Variants in RUNX1 observed in about 807,000 individuals in gnomAD.
RUNX1 encodes the protein runt-related transcription factor 1.
RUNX1 carries 19 observed loss-of-function variants against 42.8 expected under a neutral mutation model. The ratio of observed to expected loss-of-function variants is 0.44; its 90% CI spans 0.31 to 0.65. The LOEUF (loss-of-function observed/expected upper bound fraction) is 0.65, where lower values mean the gene tolerates loss of function less well. Among genes scored for constraint, RUNX1 ranks in the 30% least tolerant of loss-of-function variants. The pLI, the probability that RUNX1 is intolerant of heterozygous loss-of-function variation, is 0.07. For missense variants in RUNX1, 528 were observed against 672.0 expected (o/e 0.79, Z 2.37); for synonymous variants, 271 against 289.4 (o/e 0.94, Z 0.64).
intron 2 of RUNX1, among the ~76,000 whole-genome samples, chr21:34,982,203 T>A (rs554715608): frequency 6.6e-6 from 1 of 152,338 alleles, no homozygotes; most frequent in South Asian, 2.1e-4. Flanking sequence ...CCATCTTTCT[T>A]ACCAAGGATT....
At chr21:34,973,366 A>G (rs796840168) in intron 2 of RUNX1, among the ~76,000 whole-genome samples, 5 of 152,334 alleles carry the variant, frequency 3.3e-5, no homozygotes, top group African/African-American at 1.2e-4. Flanking sequence ...AAATCCCTGC[A>G]ACGTACTGGC....
intron 6 of RUNX1, among the ~76,000 whole-genome samples, chr21:34,839,367 G>A (rs1014266295): frequency 6.6e-6 from 1 of 150,686 alleles, no homozygotes; most frequent in African/African-American, 2.5e-5. Flanking sequence ...ACACACTCGG[G>A]ATGTACACTC....
In RUNX1 at chr21:35,004,586, T is replaced by A. The variant is rs139344867; in HGVS notation, c.58+44256A>T. On this transcript the variant is annotated intron_variant, in intron 2 of 8. Coordinates refer to ENST00000675419, the MANE Select transcript of RUNX1 (RefSeq NM_001754.5). ...CCTGGGAACTTTGATCCTGTTTTTA[T>A]CACCCCGTCCATTGTTGAAGTAATC... Among the ~76,000 whole-genome samples, 274 of 152,336 alleles carry A rather than the reference T, an allele frequency of 1.8e-3. 1 individual carries two copies. Among genetic ancestry groups the A allele is most frequent in the African/African-American group, 5.1e-3 (211 of 41,582 alleles).
Position 34,880,572 on chromosome 21 carries a change from C to T in RUNX1, c.493G>A (p.Gly165Ser), listed in dbSNP as rs993436723. The change falls in exon 5 of 9, where the codon GGT (glycine) becomes AGT (serine). Residue 165 changes from glycine (G) to serine (S), a missense_variant. Around this residue, in one of 3 missense-constraint regions of RUNX1, gnomAD observed 83 missense variants for 174.5 expected, o/e 0.48. Transcript: ENST00000675419. ...GATAACGTACCTCTTCCACTTCGAC[C>T]GACAAACCTGAGGTCATTAAATCTT... ...VARFNDLRFV[G>S]RSGRGKSFTL... is the part of the protein sequence containing the mutation. The T allele has an allele frequency of 1.9e-6, 3 of 1,614,086 alleles. No homozygotes were observed. The highest frequency in any genetic ancestry group is 1.7e-5 in the Admixed American group (1 of 60,020).
At chr21:34,885,316 C>T (rs1228771045) in intron 4 of RUNX1, among the ~76,000 whole-genome samples, 1 of 152,036 alleles carries the variant, frequency 6.6e-6, no homozygotes, top group Admixed American at 6.5e-5. Context: ...CCTCTCAATG[C>T]GGGTGCCCTA....
At chr21:35,006,336 T>C (rs1463395229) in intron 2 of RUNX1, among the ~76,000 whole-genome samples, 5 of 152,188 alleles carry the variant, frequency 3.3e-5, no homozygotes, top group Non-Finnish European at 4.4e-5. Context: ...CTGAACTAAA[T>C]GTACTTTTCA....
chr21:34,898,979 TCTCCACTCACTGCAAC>T (rs1335853617), intron 2 of RUNX1, among the ~76,000 whole-genome samples: 1 of 152,138 alleles, frequency 6.6e-6, no homozygotes, highest in South Asian at 2.1e-4. Context: ...AGTGGCATGA[TCTCCACTCACTGCAAC>T]CTCCACCTCC....
At chr21:34,803,132 G>A (rs1348723885) in intron 7 of RUNX1, among the ~76,000 whole-genome samples, 1 of 152,148 alleles carries the variant, frequency 6.6e-6, no homozygotes, top group Non-Finnish European at 1.5e-5. Context: ...TCAGGCTGGA[G>A]AGGAGCTGGG....
intron 2 of RUNX1, among the ~76,000 whole-genome samples, chr21:34,967,181 A>G (rs1044366893): frequency 1.9e-4 from 29 of 151,546 alleles, no homozygotes; most frequent in South Asian, 6.3e-4. Context: ...TTAGCCAGGC[A>G]TGGTGGCAGG....
chr21:34,821,673 A>G, intron 7 of RUNX1: 2 of 1,574,674 alleles, frequency 1.3e-6, no homozygotes, highest in Middle Eastern at 1.7e-4. Flanking sequence ...CTGCCTTAAC[A>G]TCTCCAGGGT....
intron 2 of RUNX1, among the ~76,000 whole-genome samples, chr21:34,955,320 G>A (rs538065096): frequency 1.7e-4 from 26 of 152,098 alleles, no homozygotes; most frequent in African/African-American, 5.8e-4. Flanking sequence ...GATTGCATGA[G>A]ACAATACGAA....
chr21:35,022,009 C>G (rs1199919070), intron 2 of RUNX1, among the ~76,000 whole-genome samples: 3 of 152,184 alleles, frequency 2.0e-5, no homozygotes, highest in Non-Finnish European at 2.9e-5. Flanking sequence ...GAATGATCCC[C>G]AAGACACATA....
At chr21:34,823,195 G>A (rs2056934293) in intron 7 of RUNX1, among the ~76,000 whole-genome samples, 1 of 152,218 alleles carries the variant, frequency 6.6e-6, no homozygotes, top group Admixed American at 6.5e-5. Flanking sequence ...AGGGCCTTGA[G>A]GCTTGACTCA....
chr21:34,963,667 A>C (rs973186043), intron 2 of RUNX1, among the ~76,000 whole-genome samples: 1 of 152,100 alleles, frequency 6.6e-6, no homozygotes, highest in African/African-American at 2.4e-5. Flanking sequence ...GCTATAGTCC[A>C]CCCCCAAGAA....
intron 2 of RUNX1, among the ~76,000 whole-genome samples, chr21:34,969,765 C>CAAAAAAAAA (rs150978735): frequency 1.6e-5 from 2 of 124,694 alleles, no homozygotes; most frequent in Admixed American, 7.9e-5. Context: ...TCAGTTAAAG[C>CAAAAAAAAA]AAAAAAAAAA....
chr21:34,998,735 G>A (rs899587830), intron 2 of RUNX1, among the ~76,000 whole-genome samples: 2 of 152,052 alleles, frequency 1.3e-5, no homozygotes, highest in African/African-American at 4.8e-5. Flanking sequence ...TAGAGATGGG[G>A]TTTCACCGAG....
At chr21:35,022,670 G>T (rs551618905) in intron 2 of RUNX1, among the ~76,000 whole-genome samples, 1 of 152,044 alleles carries the variant, frequency 6.6e-6, no homozygotes, top group Admixed American at 6.5e-5. Context: ...TGAGGCGGGC[G>T]GATCATCTGA....
chr21:34,799,638 C>T (rs939434183), intron 7 of RUNX1, among the ~76,000 whole-genome samples, 176 bp from the exon 8 acceptor site: 7 of 152,104 alleles, frequency 4.6e-5, no homozygotes, highest in African/African-American at 1.7e-4. Flanking sequence ...GGATTATTTT[C>T]CCCCAAAAGA....
chr21:35,007,733 C>T (rs2059095710), intron 2 of RUNX1, among the ~76,000 whole-genome samples: 1 of 152,124 alleles, frequency 6.6e-6, no homozygotes, highest in Non-Finnish European at 1.5e-5. Flanking sequence ...ACTGCCACCA[C>T]CCTCGTTCAG....
Sources: allele counts gnomAD v4.1 joint callset (sites outside exome capture counted in the v4.1 genomes callset), GRCh38; gene constraint gnomAD v4.1.1; regional missense constraint gnomAD v4.1.1; transcripts MANE v1.5; gene names NCBI Gene and HGNC (gene_info 2026-07-23, HGNC 2026-07-21).